The following KCNK1 variants were observed in gnomAD, a reference collection of about 807,000 sequenced individuals.
KCNK1 encodes potassium two pore domain channel subfamily K member 1.
A neutral mutation model predicts 22.2 loss-of-function variants in KCNK1; 10 were observed. The ratio of observed to expected loss-of-function variants is 0.45; its 90% CI spans 0.28 to 0.76. The LOEUF (loss-of-function observed/expected upper bound fraction) is 0.76, where lower values mean the gene tolerates loss of function less well. KCNK1 is among the 30% of genes least tolerant of loss of function. The probability of loss-of-function intolerance (pLI) is 0.14; values close to 1 mark genes in which losing one functional copy is unlikely to be tolerated. For missense variants in KCNK1, 378 were observed against 421.0 expected (o/e 0.90, Z 0.89); for synonymous variants, 200 against 186.4 (o/e 1.07, Z -0.60).
chr1:233,624,956 T>C (rs1165270401), intron 1 of KCNK1, among the ~76,000 whole-genome samples: 2 of 152,158 alleles, frequency 1.3e-5, no homozygotes, highest in Non-Finnish European at 2.9e-5. Context: ...GAGATACAAT[T>C]GTAGGGGCCA....
intron 1 of KCNK1, among the ~76,000 whole-genome samples, chr1:233,614,735 G>A (rs1449246301): frequency 6.6e-6 from 1 of 152,020 alleles, no homozygotes; most frequent in Non-Finnish European, 1.5e-5. Flanking sequence ...TGGGTGACTC[G>A]GGAGGGCAAG....
At chr1:233,626,265 G>C (rs913409647) in intron 1 of KCNK1, among the ~76,000 whole-genome samples, 2 of 152,086 alleles carry the variant, frequency 1.3e-5, no homozygotes, top group Non-Finnish European at 2.9e-5. Flanking sequence ...AATGACCCCC[G>C]GGTTTCTGAC....
At chr1:233,661,078 A>G (rs1259145963) in intron 1 of KCNK1, among the ~76,000 whole-genome samples, 1 of 152,190 alleles carries the variant, frequency 6.6e-6, no homozygotes, top group Non-Finnish European at 1.5e-5. Context: ...GCTTATACAC[A>G]TATGGCAAGC....
chr1:233,671,392 G>T lies in KCNK1; in HGVS notation c.873G>T (p.Val291=). The T allele has an allele frequency of 6.2e-7, 1 of 1,614,198 alleles. No homozygotes were observed. The highest frequency in any genetic ancestry group is 8.5e-7 in the Non-Finnish European group (1 of 1,180,042). Residue 291 remains valine, a synonymous_variant, in exon 3 of 3, where the codon GTG becomes GTT. Coordinates refer to ENST00000366621, the MANE Select transcript of KCNK1 (RefSeq NM_002245.4). ...YVKKDKDEDQ[V]HIIEHDQLSF... is the part of the protein sequence containing the mutation. Reference sequence around the variant, plus strand: ...AGAAGGACAAGGACGAGGATCAGGTGCACATCATAGAGCATGACCAACTGT... The same window carrying T: ...AGAAGGACAAGGACGAGGATCAGGTTCACATCATAGAGCATGACCAACTGT...
chr1:233,645,073 A>G (rs1454690218), intron 1 of KCNK1, among the ~76,000 whole-genome samples: 1 of 151,982 alleles, frequency 6.6e-6, no homozygotes, highest in East Asian at 1.9e-4. Context: ...GGGCGCCTGT[A>G]GTCCCAGCTA....
At chr1:233,660,704 T>C (rs562881555) in intron 1 of KCNK1, 3 of 152,350 alleles carry the variant, frequency 2.0e-5, no homozygotes, top group Non-Finnish European at 4.4e-5. Context: ...CTAAACGTTG[T>C]TTTTGCGCTC....
At position 233,662,262 on chromosome 1, in the gene KCNK1, TCTTCTTCTTCTC is replaced by T. The variant is rs1318219168; in HGVS notation, c.356-4330_356-4319del. ...TCCTTCTTCTTCTTCTTCTTCTTCT[TCTTCTTCTTCTC>T]CTCCTCCTCCTCCTCTTCCTCTTCT... On this transcript the variant is annotated intron_variant, in intron 1 of 2. Coordinates refer to ENST00000366621, the MANE Select transcript of KCNK1 (RefSeq NM_002245.4). Among the ~76,000 whole-genome samples, 223 of 138,782 alleles carry T rather than the reference TCTTCTTCTTCTC, an allele frequency of 1.6e-3. 1 individual carries two copies. The highest frequency in any genetic ancestry group is 0.012 in the East Asian group (48 of 4,146). 91.0% of individuals were successfully genotyped at this position (138,782 alleles called of 152,430 possible). A position where few individuals can be genotyped will look rare whatever the true frequency, so the allele number is the denominator to read the frequency against.
intron 1 of KCNK1, among the ~76,000 whole-genome samples, chr1:233,648,956 G>A (rs1658151765): frequency 1.3e-5 from 2 of 152,258 alleles, no homozygotes; most frequent in East Asian, 3.9e-4. Context: ...GACCAAGCTG[G>A]AGAGATGAGT....
At chr1:233,622,089 T>A (rs559220247) in intron 1 of KCNK1, among the ~76,000 whole-genome samples, 91 of 152,304 alleles carry the variant, frequency 6.0e-4, no homozygotes, top group African/African-American at 2.1e-3. Flanking sequence ...CAGTAACCTA[T>A]TGGGAACTCC....
chr1:233,637,754 C>T (rs1468684031), intron 1 of KCNK1, among the ~76,000 whole-genome samples: 2 of 152,054 alleles, frequency 1.3e-5, no homozygotes, highest in East Asian at 1.9e-4. Context: ...TTGGGAACCT[C>T]AGGATTGAGA....
chr1:233,666,840 G>T lies in KCNK1; in HGVS notation c.601G>T (p.Ala201Ser), dbSNP rs758961946. The T allele has an allele frequency of 6.2e-7, 1 of 1,614,076 alleles. No individual in the cohort carries two copies. Among genetic ancestry groups the T allele is most frequent in the Non-Finnish European group, 8.5e-7 (1 of 1,180,016 alleles). The change falls in exon 2 of 3, where the codon GCT (alanine) becomes TCT (serine). Residue 201 changes from alanine (A) to serine (S), a missense_variant. By Grantham distance (99) the Ala-to-Ser change is moderately conservative (BLOSUM62 1). Transcript: ENST00000366621. ...GTCCTGCTTCTTCTTCATCCCGGCC[G>T]CTGTCTTCTCAGTCCTGGAGGATGA... ...TVSCFFFIPA[A>S]VFSVLEDDWN... is the part of the protein sequence containing the mutation.
At chr1:233,632,908 A>G (rs1657831640) in intron 1 of KCNK1, among the ~76,000 whole-genome samples, 1 of 152,038 alleles carries the variant, frequency 6.6e-6, no homozygotes, top group Non-Finnish European at 1.5e-5. Flanking sequence ...CTTTTCATGT[A>G]AAGACATTCG....
At chr1:233,654,278 T>TA (rs1435109689) in intron 1 of KCNK1, among the ~76,000 whole-genome samples, 1 of 152,096 alleles carries the variant, frequency 6.6e-6, no homozygotes, top group African/African-American at 2.4e-5. Context: ...GACAGGTTGA[T>TA]AGATGCAGTA....
rs1198426262 is a variant in KCNK1 at position 233,614,600 on chromosome 1, C to T, written c.355+74C>T. 11 of 1,245,496 alleles carry T rather than the reference C, an allele frequency of 8.8e-6. No homozygotes were observed. The East Asian group carries it at 2.3e-4, about 26-fold the overall frequency. The allele number at this position is 1,245,496 out of a possible 1,614,324, so 77.2% of individuals were successfully genotyped here. A position where few individuals can be genotyped will look rare whatever the true frequency, so the allele number is the denominator to read the frequency against. On this transcript the variant is annotated intron_variant, in intron 1 of 2. Transcript: ENST00000366621. ...ACCCACACACCCCGGCCCCGGCGCC[C>T]CGGGCCCCTCTAACCCTCCCACCCC...
At chr1:233,667,558 G>A (rs1449601149) in intron 2 of KCNK1, among the ~76,000 whole-genome samples, 3 of 151,598 alleles carry the variant, frequency 2.0e-5, no homozygotes, top group Non-Finnish European at 4.4e-5. Context: ...GTGAAACCCC[G>A]TCTGTACTAA....
intron 1 of KCNK1, among the ~76,000 whole-genome samples, chr1:233,644,092 G>A (rs1035000658): frequency 1.3e-5 from 2 of 152,182 alleles, no homozygotes; most frequent in African/African-American, 2.4e-5. Flanking sequence ...TGGAGGCTGG[G>A]AAGTCCAAGA....
chr1:233,646,509 G>A (rs1268485767), intron 1 of KCNK1, among the ~76,000 whole-genome samples: 2 of 151,986 alleles, frequency 1.3e-5, no homozygotes, highest in Admixed American at 6.6e-5. Context: ...TCTCAAGGTG[G>A]CCGCAGTTTT....
intron 2 of KCNK1, among the ~76,000 whole-genome samples, chr1:233,670,860 A>G (rs1029990778): frequency 1.3e-5 from 2 of 152,214 alleles, no homozygotes; most frequent in Admixed American, 1.3e-4. Context: ...TGATAAAACA[A>G]AAACTTTTCT....
Position 233,672,166 on chromosome 1 carries a change from C to A in KCNK1, c.*636C>A, listed in dbSNP as rs1423684636. 1.3e-5 allele frequency: 2 copies of A among 152,546 alleles called. No homozygotes were observed. The highest frequency in any genetic ancestry group is 4.8e-5 in the African/African-American group (2 of 41,410). The allele number at this position is 152,546 out of a possible 1,614,324, so 9.4% of individuals were successfully genotyped here. ...ATAGATATTTTGTTTCTTTTGATTT[C>A]TCTTTATACTAAAGAATCCAGAGTT... On this transcript the variant is annotated 3_prime_UTR_variant, in exon 3 of 3. Transcript: ENST00000366621.
Sources: gnomAD v4.1 joint callset for allele counts (sites outside exome capture counted in the v4.1 genomes callset) on GRCh38, gnomAD v4.1.1 for gene constraint, MANE v1.5 for transcripts, NCBI Gene and HGNC (gene_info 2026-07-23, HGNC 2026-07-21) for gene names.